The following ATP2C2 variants were observed in gnomAD, a reference collection of about 807,000 sequenced individuals.
ATP2C2 encodes the protein calcium-transporting ATPase type 2C member 2.
A neutral mutation model predicts 110.8 loss-of-function variants in ATP2C2; 171 were observed. The observed-to-expected ratio is 1.54, with a 90% CI of 1.36 to 1.75. The LOEUF is 1.75. Ranked by LOEUF, ATP2C2 falls within the 40% of genes most tolerant of loss-of-function variation. The probability of loss-of-function intolerance (pLI) is 0.00; values close to 1 mark genes in which losing one functional copy is unlikely to be tolerated. For synonymous variants in ATP2C2, 804 were observed against 508.4 expected (o/e 1.58, Z -7.82); for missense variants, 1,963 against 1,235.0 (o/e 1.59, Z -8.84).
intron 23 of ATP2C2, 154 bp downstream of exon 23, chr16:84,459,540 G>C (rs1216700611): frequency 1.3e-6 from 2 of 1,540,900 alleles, no homozygotes; most frequent in Non-Finnish European, 1.7e-6. Context: ...TTGCACTGCA[G>C]TGAGACTGGG....
intron 1 of ATP2C2, among the ~76,000 whole-genome samples, chr16:84,380,728 CTGTT>C (rs1910530420): frequency 6.6e-6 from 1 of 152,172 alleles, no homozygotes; most frequent in African/African-American, 2.4e-5. Context: ...TTCCCTGCCT[CTGTT>C]TGTTCTTCTG....
chr16:84,447,942 G>C (rs1909911569), intron 16 of ATP2C2, among the ~76,000 whole-genome samples: 1 of 151,352 alleles, frequency 6.6e-6, no homozygotes, highest in African/African-American at 2.4e-5. Context: ...TTCACACTGT[G>C]CACCCACGTG....
chr16:84,461,411 G>T (rs1018042810), intron 24 of ATP2C2: 4 of 522,976 alleles, frequency 7.6e-6, no homozygotes, highest in Admixed American at 3.4e-5. Context: ...CCTTCACTCT[G>T]GGTTTAACTG....
At chr16:84,415,816 C>G (rs560220213) in intron 7 of ATP2C2, among the ~76,000 whole-genome samples, 1 of 152,202 alleles carries the variant, frequency 6.6e-6, no homozygotes, top group African/African-American at 2.4e-5. Flanking sequence ...AGCCTGACAA[C>G]CTTTGGCTAT....
chr16:84,391,970 G>GT (rs145799367), intron 1 of ATP2C2, among the ~76,000 whole-genome samples: 72 of 146,548 alleles, frequency 4.9e-4, no homozygotes, highest in East Asian at 3.8e-3. Flanking sequence ...TCTGCAAAAG[G>GT]TTTTTTTTTT....
chr16:84,369,990 T>C (rs950908461), intron 1 of ATP2C2, among the ~76,000 whole-genome samples: 1 of 152,224 alleles, frequency 6.6e-6, no homozygotes, highest in African/African-American at 2.4e-5. Context: ...AGTTTGAAGT[T>C]TATTTGCCAT....
chr16:84,415,384 G>A (rs1906739375), intron 6 of ATP2C2, 99 bp from the exon 7 acceptor site: 2 of 1,011,872 alleles, frequency 2.0e-6, no homozygotes, highest in East Asian at 4.8e-5. Context: ...TATATTAAAA[G>A]AGAAAAGTGT....
intron 6 of ATP2C2, among the ~76,000 whole-genome samples, chr16:84,414,451 C>G (rs903538959): frequency 2.0e-5 from 3 of 152,118 alleles, no homozygotes. Flanking sequence ...CGCAAAGGCC[C>G]TATAGAAGAA....
At chr16:84,387,994 C>T (rs997867998) in intron 1 of ATP2C2, among the ~76,000 whole-genome samples, 23 of 151,466 alleles carry the variant, frequency 1.5e-4, no homozygotes, top group African/African-American at 5.3e-4. Context: ...ATCTGCTGGT[C>T]TCGGGTGAGC....
chr16:84,453,869 C>T (rs1910549603), intron 20 of ATP2C2, among the ~76,000 whole-genome samples: 1 of 151,938 alleles, frequency 6.6e-6, no homozygotes, highest in African/African-American at 2.4e-5. Flanking sequence ...GGTACGGAGT[C>T]TTGCTCTGTC....
intron 24 of ATP2C2, chr16:84,461,442 G>A (rs190177166): frequency 4.9e-5 from 28 of 568,758 alleles, no homozygotes; most frequent in Middle Eastern, 9.3e-4. Flanking sequence ...ACCTCCCAGG[G>A]AGACAGTTAC....
chr16:84,423,533 C>T (rs1042725355), intron 10 of ATP2C2, among the ~76,000 whole-genome samples: 1 of 152,248 alleles, frequency 6.6e-6, no homozygotes, highest in Non-Finnish European at 1.5e-5. Context: ...TGGGTGTATT[C>T]CTGGTCCAGT....
At chr16:84,421,054 CCT>C (rs1907287649) in intron 7 of ATP2C2, among the ~76,000 whole-genome samples, 1 of 152,216 alleles carries the variant, frequency 6.6e-6, no homozygotes. Context: ...GATCTGCCTG[CCT>C]CGGCCTCCCA....
chr16:84,378,011 G>A (rs1279380485), intron 1 of ATP2C2, among the ~76,000 whole-genome samples: 1 of 152,116 alleles, frequency 6.6e-6, no homozygotes, highest in East Asian at 1.9e-4. Flanking sequence ...AGGATGTGTT[G>A]TTTGGCCCAC....
At chr16:84,371,511 AAAC>A (rs1383074923) in intron 1 of ATP2C2, among the ~76,000 whole-genome samples, 2 of 152,214 alleles carry the variant, frequency 1.3e-5, no homozygotes, top group African/African-American at 2.4e-5. Context: ...TCTCAAAACA[AAAC>A]AACAACAAAA....
intron 11 of ATP2C2, among the ~76,000 whole-genome samples, chr16:84,426,607 G>C (rs1907835539): frequency 6.6e-6 from 1 of 152,146 alleles, no homozygotes; most frequent in Non-Finnish European, 1.5e-5. Context: ...TCTGAAAAAT[G>C]GGAATGCTCA....
rs1000156780 is a variant in ATP2C2 at position 84,377,863 on chromosome 16, C to G, written c.99+9149C>G. 6.6e-5 allele frequency among the ~76,000 whole-genome samples: 10 copies of G among 152,258 alleles called. No homozygotes were observed. In the East Asian group the frequency reaches 1.9e-3, roughly 29 times the overall value. The stretch of plus-strand genomic sequence containing the variant: ...ATTGTGTCTTGAGGCTGCAGCCCCT[C>G]TGGAAATGTTTATCACCTCTGCCGT... On this transcript the variant is annotated intron_variant, in intron 1 of 26. Transcript: ENST00000262429.
chr16:84,433,092 C>A (rs1908422466), intron 11 of ATP2C2, among the ~76,000 whole-genome samples: 2 of 152,122 alleles, frequency 1.3e-5, no homozygotes, highest in Non-Finnish European at 2.9e-5. Context: ...AAATCTTCCC[C>A]AAGTAGGCTG....
At chr16:84,403,711 A>C (rs1231957059) in intron 2 of ATP2C2, among the ~76,000 whole-genome samples, 1 of 150,894 alleles carries the variant, frequency 6.6e-6, no homozygotes, top group Admixed American at 6.6e-5. Context: ...TTTTCTTGAG[A>C]TGGAGTTTCC....
Sources: gnomAD v4.1 joint callset for allele counts (sites outside exome capture counted in the v4.1 genomes callset) on GRCh38, gnomAD v4.1.1 for gene constraint, MANE v1.5 for transcripts, NCBI Gene and HGNC (gene_info 2026-07-23, HGNC 2026-07-21) for gene names.